FSTL5: variants seen among roughly 807,000 people sequenced by gnomAD.
The protein encoded by FSTL5 is follistatin-related protein 5.
Under a neutral mutation model 89.1 loss-of-function variants are expected in FSTL5, and 62 were observed. That is an observed-to-expected ratio of 0.70 (90% CI 0.57 to 0.86). FSTL5 has a LOEUF of 0.86. FSTL5 is among the 40% of genes least tolerant of loss of function. The probability of loss-of-function intolerance (pLI) is 0.00; values close to 1 mark genes in which losing one functional copy is unlikely to be tolerated. For missense variants in FSTL5, 1,057 were observed against 1,001.6 expected (o/e 1.06, Z -0.75); for synonymous variants, 383 against 346.2 (o/e 1.11, Z -1.18).
intron 7 of FSTL5, among the ~76,000 whole-genome samples, chr4:161,646,607 A>G (rs995125140): frequency 6.6e-6 from 1 of 152,068 alleles, no homozygotes; most frequent in Non-Finnish European, 1.5e-5. Flanking sequence ...ACTGCAGAAA[A>G]TCTTTTTACA....
chr4:161,606,213 A>G (rs1734432703), intron 7 of FSTL5, among the ~76,000 whole-genome samples: 1 of 146,748 alleles, frequency 6.8e-6, no homozygotes, highest in Admixed American at 6.8e-5. Flanking sequence ...TGACCCCCAA[A>G]TTTTCCAGAG....
chr4:161,437,565 C>CAAAA lies in FSTL5; in HGVS notation c.1841+17435_1841+17438dup, dbSNP rs56229701. ...CTGGTGACAGAGTGAGACTCCGTCTCAAAAAAAAAAAAAAAAACGAGGTCA... is the reference window on the plus strand; with the variant it reads ...CTGGTGACAGAGTGAGACTCCGTCTCAAAAAAAAAAAAAAAAAAAAACGAGGTCA... On this transcript the variant is annotated intron_variant, in intron 15 of 15. Coordinates refer to ENST00000306100, the MANE Select transcript of FSTL5 (RefSeq NM_020116.5). Among the ~76,000 whole-genome samples the CAAAA allele has an allele frequency of 2.3e-4, 16 of 68,540 alleles. 1 individual carries two copies. The highest frequency in any genetic ancestry group is 9.1e-4 in the African/African-American group (11 of 12,034). 45.0% of individuals were successfully genotyped at this position (68,540 alleles called of 152,430 possible).
At chr4:161,851,716 A>G (rs1009491764) in intron 4 of FSTL5, among the ~76,000 whole-genome samples, 2 of 148,970 alleles carry the variant, frequency 1.3e-5, no homozygotes, top group Non-Finnish European at 3.0e-5. Flanking sequence ...AATAAATGTT[A>G]GAGTCATAGA....
chr4:161,882,846 A>T (rs372962353), intron 4 of FSTL5, among the ~76,000 whole-genome samples: 1 of 152,146 alleles, frequency 6.6e-6, no homozygotes, highest in Non-Finnish European at 1.5e-5. Flanking sequence ...TAGAGCAAGC[A>T]GCATTAGCAG....
chr4:161,746,168 G>T (rs1313517553), intron 6 of FSTL5, among the ~76,000 whole-genome samples: 3 of 151,422 alleles, frequency 2.0e-5, no homozygotes, highest in African/African-American at 4.9e-5. Context: ...GAGGTTTGAA[G>T]TTGTCACCAA....
chr4:161,815,570 T>A (rs1730299039), intron 4 of FSTL5, among the ~76,000 whole-genome samples: 1 of 152,240 alleles, frequency 6.6e-6, no homozygotes, highest in Non-Finnish European at 1.5e-5. Context: ...AATTTGAGTT[T>A]GCCAAAGATA....
intron 12 of FSTL5, among the ~76,000 whole-genome samples, chr4:161,483,467 T>C (rs554491764): frequency 9.5e-4 from 144 of 152,354 alleles, no homozygotes; most frequent in African/African-American, 3.3e-3. Context: ...TATTCAACAG[T>C]AAAATAAACT....
intron 6 of FSTL5, among the ~76,000 whole-genome samples, chr4:161,676,758 C>A (rs1290894359): frequency 6.6e-6 from 1 of 151,790 alleles, no homozygotes; most frequent in Non-Finnish European, 1.5e-5. Context: ...CACACACACA[C>A]ACACACACAC....
intron 2 of FSTL5, among the ~76,000 whole-genome samples, chr4:162,083,563 T>G (rs1405234950): frequency 6.6e-6 from 1 of 151,780 alleles, no homozygotes; most frequent in African/African-American, 2.4e-5. Context: ...TCACTTATTT[T>G]GGAAGAGATC....
intron 4 of FSTL5, among the ~76,000 whole-genome samples, chr4:161,891,836 A>G (rs1032284540): frequency 2.6e-5 from 4 of 152,016 alleles, no homozygotes; most frequent in Non-Finnish European, 5.9e-5. Context: ...TAGATCTTAT[A>G]ATGCTCATCA....
chr4:161,829,468 T>C (rs1039998999), intron 4 of FSTL5, among the ~76,000 whole-genome samples: 2 of 151,930 alleles, frequency 1.3e-5, no homozygotes, highest in African/African-American at 4.8e-5. Context: ...ACACATATCA[T>C]ATTATAATTA....
intron 1 of FSTL5, among the ~76,000 whole-genome samples, chr4:162,159,688 T>C (rs1365937520): frequency 6.6e-6 from 1 of 152,026 alleles, no homozygotes; most frequent in Non-Finnish European, 1.5e-5. Flanking sequence ...TGAAGATTTG[T>C]AGGAAGTAAA....
rs28454574 is a variant in FSTL5 at position 162,115,753 on chromosome 4, A to C, written c.-16-4341T>G. On this transcript the variant is annotated intron_variant, in intron 1 of 15. Transcript: ENST00000306100. ...GGGTGGGCAGAGATCTCTCTTCTTC[A>C]AAAGATAATATGTTTCTTTGAATCA... Among the ~76,000 whole-genome samples, 1,472 of 152,318 alleles carry C rather than the reference A, an allele frequency of 9.7e-3. 26 individuals carry two copies. Among genetic ancestry groups the C allele is most frequent in the African/African-American group, 0.033 (1,355 of 41,580 alleles).
At position 161,671,268 on chromosome 4, in the gene FSTL5, G is replaced by A. The variant is rs75706253; in HGVS notation, c.728-14774C>T. Among the ~76,000 whole-genome samples, 1,200 of 152,242 alleles carry A rather than the reference G, an allele frequency of 7.9e-3. 17 individuals are homozygous for A. Among genetic ancestry groups the A allele is most frequent in the African/African-American group, 0.028 (1,153 of 41,540 alleles). ...TAGAACCTTCTTTACATCAGCAAAT[G>A]TTCCCATGGACCTAGGCTTGGCAAA... On this transcript the variant is annotated intron_variant, in intron 6 of 15. Transcript: ENST00000306100.
At position 161,844,452 on chromosome 4, in the gene FSTL5, T is replaced by C. The variant is rs554119209; in HGVS notation, c.410-68378A>G. 1.6e-4 allele frequency among the ~76,000 whole-genome samples: 24 copies of C among 152,266 alleles called. No individual in the cohort carries two copies. In the South Asian group the frequency reaches 5.0e-3, roughly 32 times the overall value. ...TACTGGGTATATACTCAAAGGTTTA[T>C]AAATCATTCTACTATAAAGACATAT... On this transcript the variant is annotated intron_variant, in intron 4 of 15. Transcript: ENST00000306100.
In FSTL5 at chr4:161,385,114, A is replaced by G. The variant is rs1010386444; in HGVS notation, c.*633T>C. 6.5e-5 allele frequency: 10 copies of G among 152,676 alleles called. No individual in the cohort carries two copies. The highest frequency in any genetic ancestry group is 2.4e-4 in the African/African-American group (10 of 41,464). The allele number at this position is 152,676 out of a possible 1,614,324, so 9.5% of individuals were successfully genotyped here. A position where few individuals can be genotyped will look rare whatever the true frequency, so the allele number is the denominator to read the frequency against. The stretch of plus-strand genomic sequence containing the variant: ...GGAGTTTGACACCTGTATACAACCT[A>G]AGACCAACTTATGCCTTCAATTGGT... On this transcript the variant is annotated 3_prime_UTR_variant, in exon 16 of 16. Transcript: ENST00000306100.
intron 3 of FSTL5, among the ~76,000 whole-genome samples, chr4:161,948,266 G>A (rs1277495488): frequency 2.2e-5 from 3 of 135,146 alleles, no homozygotes; most frequent in East Asian, 2.2e-4. Flanking sequence ...ATGAGCAACA[G>A]AGCAAGATCC....
At chr4:161,670,011 G>A (rs1737041074) in intron 6 of FSTL5, among the ~76,000 whole-genome samples, 1 of 151,980 alleles carries the variant, frequency 6.6e-6, no homozygotes, top group Admixed American at 6.6e-5. Flanking sequence ...TTTCCTGTAT[G>A]ATTTATTGGT....
At chr4:161,635,010 T>C (rs2126660127) in intron 7 of FSTL5, among the ~76,000 whole-genome samples, 1 of 151,710 alleles carries the variant, frequency 6.6e-6, no homozygotes, top group East Asian at 1.9e-4. Flanking sequence ...ACTACAATTT[T>C]TATTTGTCAA....
Sources: allele counts gnomAD v4.1 joint callset (sites outside exome capture counted in the v4.1 genomes callset), GRCh38; gene constraint gnomAD v4.1.1; transcripts MANE v1.5; gene names NCBI Gene and HGNC (gene_info 2026-07-23, HGNC 2026-07-21).